PAPPA: variants seen among roughly 807,000 people sequenced by gnomAD.
PAPPA encodes the protein pappalysin 1.
A neutral mutation model predicts 164.0 loss-of-function variants in PAPPA; 60 were observed. The ratio of observed to expected loss-of-function variants is 0.37; its 90% CI spans 0.30 to 0.45. The LOEUF (loss-of-function observed/expected upper bound fraction) is 0.45. Ranked by LOEUF, PAPPA falls within the 20% of genes least tolerant of loss-of-function variation. The pLI is 1.00. For synonymous variants in PAPPA, 875 were observed against 814.1 expected (o/e 1.07, Z -1.27); for missense variants, 1,782 against 2,087.3 (o/e 0.85, Z 2.85).
chr9:116,221,025 C>CCT (rs1157428762), intron 5 of PAPPA, among the ~76,000 whole-genome samples: 1 of 151,398 alleles, frequency 6.6e-6, no homozygotes, highest in Non-Finnish European at 1.5e-5. Flanking sequence ...GCACAAGGTA[C>CCT]CTCTATTCTG....
intron 10 of PAPPA, among the ~76,000 whole-genome samples, chr9:116,316,098 G>A (rs1160036314): frequency 2.6e-5 from 4 of 152,218 alleles, no homozygotes; most frequent in Non-Finnish European, 5.9e-5. Flanking sequence ...CTACAGCCAG[G>A]AAGAAAGAAG....
chr9:116,382,622 C>CT (rs958468474), intron 21 of PAPPA, 129 bp downstream of exon 21: 2 of 616,130 alleles, frequency 3.2e-6, no homozygotes, highest in East Asian at 2.8e-5. Context: ...CGCTTTATTT[C>CT]TTTTTTTAAT....
chr9:116,253,593 A>G (rs920337672), intron 7 of PAPPA, among the ~76,000 whole-genome samples: 4 of 152,164 alleles, frequency 2.6e-5, no homozygotes, highest in Non-Finnish European at 5.9e-5. Flanking sequence ...GTGAGACCAA[A>G]GTACCTCTCA....
intron 17 of PAPPA, among the ~76,000 whole-genome samples, chr9:116,360,141 C>T (rs1196369881): frequency 6.6e-6 from 1 of 152,210 alleles, no homozygotes; most frequent in African/African-American, 2.4e-5. Context: ...AGGTCTGCAG[C>T]CCTTTAGGGG....
intron 9 of PAPPA, among the ~76,000 whole-genome samples, chr9:116,283,958 T>C (rs180867664): frequency 6.6e-6 from 1 of 152,198 alleles, no homozygotes; most frequent in African/African-American, 2.4e-5. Flanking sequence ...CCCAAATACC[T>C]TTTTCCACCT....
chr9:116,206,831 A>G (rs1161409279), intron 2 of PAPPA, among the ~76,000 whole-genome samples: 1 of 152,200 alleles, frequency 6.6e-6, no homozygotes, highest in Non-Finnish European at 1.5e-5. Flanking sequence ...AGAGAACAAA[A>G]TGCTGATCAG....
chr9:116,311,029 C>A (rs1304475741), intron 10 of PAPPA, among the ~76,000 whole-genome samples: 2 of 145,326 alleles, frequency 1.4e-5, no homozygotes, highest in South Asian at 2.2e-4. Context: ...AACTGAGGAA[C>A]AAATCGAATT....
At chr9:116,211,280 T>A (rs1844303409) in intron 3 of PAPPA, among the ~76,000 whole-genome samples, 1 of 152,204 alleles carries the variant, frequency 6.6e-6, no homozygotes, top group Admixed American at 6.5e-5. Flanking sequence ...TAGGCCTTAC[T>A]TTGTAAGGGA....
intron 19 of PAPPA, among the ~76,000 whole-genome samples, chr9:116,375,323 C>T (rs934092358): frequency 1.3e-5 from 2 of 152,178 alleles, no homozygotes; most frequent in Non-Finnish European, 2.9e-5. Flanking sequence ...CATTGCAAGA[C>T]TGATTGGAAG....
rs1006704902 is a variant in PAPPA at position 116,388,946 on chromosome 9, G to T, written c.4776+6453G>T. ...CATTATACCCAACATGTAGCACATT[G>T]GTCATTGGTCTAAGAAGGCTAGTGA... On this transcript the variant is annotated intron_variant, in intron 21 of 21. Coordinates refer to ENST00000328252, the MANE Select transcript of PAPPA (RefSeq NM_002581.5). 3.3e-5 allele frequency among the ~76,000 whole-genome samples: 5 copies of T among 152,132 alleles called. No homozygotes were observed. The South Asian group carries it at 1.0e-3, about 32-fold the overall frequency.
chr9:116,377,242 T>G (rs572219737), intron 19 of PAPPA, among the ~76,000 whole-genome samples: 1 of 151,772 alleles, frequency 6.6e-6, no homozygotes, highest in East Asian at 1.9e-4. Flanking sequence ...TCCCCCCACC[T>G]TATCCCAACT....
chr9:116,227,494 C>T lies in PAPPA; in HGVS notation c.2175C>T (p.Asn725=), dbSNP rs778197679. 44 of 1,613,926 alleles carry T rather than the reference C, an allele frequency of 2.7e-5. No homozygotes were observed. Among genetic ancestry groups the T allele is most frequent in the South Asian group, 1.4e-4 (13 of 91,084 alleles). The change falls in exon 6 of 22, where the codon AAC becomes AAT. Residue 725 remains asparagine, a synonymous_variant. Coordinates refer to ENST00000328252, the MANE Select transcript of PAPPA (RefSeq NM_002581.5). ...EGRILVQYAS[N]ASSPMPCSPS... The stretch of plus-strand genomic sequence containing the variant: ...GAATCCTGGTGCAGTATGCTTCCAA[C>T]GCTTCCTCCCCAATGCCCTGCAGCC...
At chr9:116,352,097 CG>C (rs963156704) in intron 15 of PAPPA, among the ~76,000 whole-genome samples, 18 of 152,330 alleles carry the variant, frequency 1.2e-4, no homozygotes, top group African/African-American at 3.4e-4. Flanking sequence ...GCATGGGCTA[CG>C]GGGGAAGTGC....
In PAPPA at chr9:116,187,784, A is replaced by G; in HGVS notation, c.1046A>G (p.Gln349Arg). ...TACAATCAGCTCTCAAGTTTCCGCC[A>G]GCCCAAGGTGGTGCGCTACCGCGTG... is the stretch of plus-strand genomic sequence containing the variant. ...ASYNQLSSFRQPKVVRYRVVN... is the reference protein window; with the variant it reads ...ASYNQLSSFRRPKVVRYRVVN... The change falls in exon 2 of 22, where the codon CAG (glutamine) becomes CGG (arginine). Residue 349 changes from glutamine (Q) to arginine (R), a missense_variant. Transcript: ENST00000328252. The surrounding 1 kb of genome is among the most constrained non-coding windows in gnomAD (Gnocchi z 4.2). 6.2e-7 allele frequency: 1 copy of G among 1,614,278 alleles called. No homozygotes were observed. Among genetic ancestry groups the G allele is most frequent in the Non-Finnish European group, 8.5e-7 (1 of 1,180,050 alleles).
At chr9:116,354,166 A>C (rs1172325376) in intron 17 of PAPPA, among the ~76,000 whole-genome samples, 2 of 152,222 alleles carry the variant, frequency 1.3e-5, no homozygotes, top group Non-Finnish European at 2.9e-5. Context: ...CTCCTGAAGC[A>C]TAAGGAAAAA....
intron 9 of PAPPA, among the ~76,000 whole-genome samples, chr9:116,298,587 A>G (rs1845539142): frequency 6.6e-6 from 1 of 152,252 alleles, no homozygotes; most frequent in African/African-American, 2.4e-5. Flanking sequence ...TCCCTAAGAC[A>G]TAGTCTAAAG....
intron 17 of PAPPA, among the ~76,000 whole-genome samples, chr9:116,356,925 C>T (rs534718921): frequency 2.0e-5 from 3 of 152,288 alleles, no homozygotes; most frequent in East Asian, 1.9e-4. Context: ...CAAACCTGCA[C>T]GTTCTGCACA....
At chr9:116,279,844 T>A (rs1419164993) in intron 9 of PAPPA, among the ~76,000 whole-genome samples, 3 of 152,186 alleles carry the variant, frequency 2.0e-5, no homozygotes, top group African/African-American at 7.2e-5. Context: ...TCTCAGTTGT[T>A]TCTTGGAGTC....
intron 13 of PAPPA, 113 bp from the exon 14 acceptor site, chr9:116,344,429 CA>C (rs1484547806): frequency 9.6e-7 from 1 of 1,043,194 alleles, no homozygotes; most frequent in East Asian, 2.4e-5. Context: ...TTTCTGTCCT[CA>C]GTCTCAAGCC....
Sources: allele counts gnomAD v4.1 joint callset (sites outside exome capture counted in the v4.1 genomes callset), GRCh38; gene constraint gnomAD v4.1.1; non-coding constraint Gnocchi (gnomAD v3.1); transcripts MANE v1.5; gene names NCBI Gene and HGNC (gene_info 2026-07-23, HGNC 2026-07-21).